The following EHBP1 variants were observed in gnomAD, a reference collection of about 807,000 sequenced individuals.
EHBP1 encodes EH domain binding protein 1.
Under a neutral mutation model 144.0 loss-of-function variants are expected in EHBP1, and 55 were observed. That is an observed-to-expected ratio of 0.38 (90% confidence interval 0.31 to 0.48). The LOEUF (loss-of-function observed/expected upper bound fraction) is 0.48, where lower values mean the gene tolerates loss of function less well. Among genes scored for constraint, EHBP1 ranks in the 20% least tolerant of loss-of-function variants. EHBP1 has a pLI of 0.98. For synonymous variants in EHBP1, 469 were observed against 472.7 expected, an observed-to-expected ratio of 0.99 and a Z score of 0.10; for missense variants, 1,200 against 1,364.2, an observed-to-expected ratio of 0.88 and a Z score of 1.90.
intron 7 of EHBP1, among the ~76,000 whole-genome samples, chr2:62,843,926 A>G (rs887419671): frequency 6.6e-6 from 1 of 152,214 alleles, no homozygotes; most frequent in African/African-American, 2.4e-5. Context: ...CAAGTTTGAA[A>G]TTGTTATTGA....
chr2:62,918,415 G>A (rs2054813885), intron 10 of EHBP1, among the ~76,000 whole-genome samples: 1 of 152,104 alleles, frequency 6.6e-6, no homozygotes, highest in South Asian at 2.1e-4. Flanking sequence ...TAATCATACA[G>A]TATCCCTTTG....
chr2:62,930,678 T>C (rs867799635), intron 10 of EHBP1, among the ~76,000 whole-genome samples: 5 of 152,112 alleles, frequency 3.3e-5, no homozygotes, highest in South Asian at 2.1e-4. Flanking sequence ...TGAAGACATA[T>C]AGACCAACAA....
At chr2:62,679,933 A>T (rs2033452382) in intron 1 of EHBP1, among the ~76,000 whole-genome samples, 1 of 152,224 alleles carries the variant, frequency 6.6e-6, no homozygotes, top group Non-Finnish European at 1.5e-5. Context: ...GACATGCTTC[A>T]TCTGAGCGTT....
At chr2:62,767,662 C>G (rs1010748991) in intron 4 of EHBP1, among the ~76,000 whole-genome samples, 2 of 151,770 alleles carry the variant, frequency 1.3e-5, no homozygotes, top group African/African-American at 4.8e-5. Context: ...TGGCAAAACC[C>G]TGTCTCTTTT....
chr2:62,747,675 GT>G, intron 3 of EHBP1, among the ~76,000 whole-genome samples: 1 of 151,966 alleles, frequency 6.6e-6, no homozygotes, highest in Non-Finnish European at 1.5e-5. Context: ...AATTACTATG[GT>G]TTGAAAAAAA....
Position 62,942,817 on chromosome 2 carries a change from A to C in EHBP1, c.1285A>C (p.Lys429Gln). The C allele has an allele frequency of 1.9e-6, 3 of 1,613,986 alleles. No individual in the cohort carries two copies. The South Asian group carries it at 3.3e-5, about 18-fold the overall frequency. ...AGTTACAAAGAACTACCGAGGAGTA[A>C]AAATCACCAATTTTACTACATCGTG... is the stretch of plus-strand genomic sequence containing the variant. ...KEVTKNYRGV[K>Q]ITNFTTSWRN... Residue 429 changes from lysine (K) to glutamine (Q), a missense_variant, in exon 11 of 23, where the codon AAA becomes CAA. By Grantham distance (53) the Lys-to-Gln change is moderately conservative (BLOSUM62 1). Coordinates refer to ENST00000431489, the MANE Select transcript of EHBP1 (RefSeq NM_001142616.3).
chr2:63,022,002 G>A (rs907437587), intron 19 of EHBP1, among the ~76,000 whole-genome samples: 6 of 151,876 alleles, frequency 4.0e-5, no homozygotes, highest in Admixed American at 2.0e-4. Context: ...TCCTGACTTC[G>A]TTATCCGCCC....
chr2:62,876,834 C>G (rs533122816), intron 10 of EHBP1, among the ~76,000 whole-genome samples: 2 of 152,274 alleles, frequency 1.3e-5, no homozygotes, highest in African/African-American at 4.8e-5. Flanking sequence ...TCACATCTCA[C>G]CAGGTCCCTC....
At chr2:63,038,631 C>A in intron 20 of EHBP1, 112 bp from the exon 21 acceptor site, 4 of 915,232 alleles carry the variant, frequency 4.4e-6, no homozygotes, top group Non-Finnish European at 5.1e-6. Context: ...GTGGCTTAAA[C>A]TTAAAGAGAA....
intron 4 of EHBP1, among the ~76,000 whole-genome samples, chr2:62,770,702 G>T (rs1405607009): frequency 6.6e-6 from 1 of 152,158 alleles, no homozygotes; most frequent in Non-Finnish European, 1.5e-5. Context: ...AAAGAAACAT[G>T]CATGTGTAAA....
At chr2:62,836,518 G>T (rs1267884447) in intron 7 of EHBP1, among the ~76,000 whole-genome samples, 4 of 139,068 alleles carry the variant, frequency 2.9e-5, no homozygotes, top group African/African-American at 8.1e-5. Context: ...CTGAGAGAAG[G>T]CTTCAGACGA....
At chr2:62,814,595 A>G (rs1367558782) in intron 5 of EHBP1, among the ~76,000 whole-genome samples, 2 of 152,236 alleles carry the variant, frequency 1.3e-5, no homozygotes, top group African/African-American at 4.8e-5. Flanking sequence ...GGATAAGGGC[A>G]TGAACAGAAT....
At chr2:62,732,646 A>T (rs1409375357) in intron 2 of EHBP1, among the ~76,000 whole-genome samples, 1 of 152,200 alleles carries the variant, frequency 6.6e-6, no homozygotes, top group Non-Finnish European at 1.5e-5. Flanking sequence ...CATGAATTAA[A>T]GTTTCCTGAG....
chr2:62,843,495 G>A (rs1337150009), intron 7 of EHBP1, among the ~76,000 whole-genome samples: 1 of 152,118 alleles, frequency 6.6e-6, no homozygotes, highest in Non-Finnish European at 1.5e-5. Flanking sequence ...TATGTTCTAA[G>A]TCCTAATAAA....
intron 19 of EHBP1, among the ~76,000 whole-genome samples, chr2:63,037,053 T>C (rs536643014): frequency 6.6e-6 from 1 of 152,106 alleles, no homozygotes; most frequent in East Asian, 1.9e-4. Flanking sequence ...AAATGTCATA[T>C]ATATCTCTAG....
chr2:62,733,436 T>G (rs1193307852), intron 2 of EHBP1, among the ~76,000 whole-genome samples: 1 of 152,180 alleles, frequency 6.6e-6, no homozygotes. Flanking sequence ...GGAGCCCTAC[T>G]GATATGGTGG....
chr2:62,854,287 A>AT (rs1573725157), intron 7 of EHBP1, among the ~76,000 whole-genome samples: 1 of 152,344 alleles, frequency 6.6e-6, no homozygotes, highest in East Asian at 1.9e-4. Context: ...GGCTTTATGC[A>AT]TTTTTTAAAA....
chr2:62,993,591 C>G lies in EHBP1; in HGVS notation c.2795C>G (p.Pro932Arg). 1 of 1,609,874 alleles carries G rather than the reference C, an allele frequency of 6.2e-7. No individual in the cohort carries two copies. The highest frequency in any genetic ancestry group is 1.1e-5 in the South Asian group (1 of 90,566). Reference protein sequence around the residue: ...LQKTTERFRNPVVFSKDSTVR... With the variant: ...LQKTTERFRNRVVFSKDSTVR... The stretch of plus-strand genomic sequence containing the variant: ...AAAACAACAGAACGTTTTAGAAATC[C>G]TGTTGTGTTCAGCAAAGATTCTACA... The change falls in exon 17 of 23, where the codon CCT becomes CGT. Residue 932 changes from proline (P) to arginine (R), a missense_variant. By Grantham distance (103) the Pro-to-Arg change is moderately radical. Coordinates refer to ENST00000431489, the MANE Select transcript of EHBP1 (RefSeq NM_001142616.3).
chr2:62,804,644 A>G (rs1046810269), intron 5 of EHBP1, among the ~76,000 whole-genome samples: 13 of 152,202 alleles, frequency 8.5e-5, no homozygotes, highest in Non-Finnish European at 1.6e-4. Flanking sequence ...CCACTTATTG[A>G]TGGGAGTATA....
Sources: gnomAD v4.1 joint callset for allele counts (sites outside exome capture counted in the v4.1 genomes callset) on GRCh38, gnomAD v4.1.1 for gene constraint, MANE v1.5 for transcripts, NCBI Gene and HGNC (gene_info 2026-07-23, HGNC 2026-07-21) for gene names.